The following TMEM138 variants were observed in gnomAD, a reference collection of about 807,000 sequenced individuals.
TMEM138 encodes transmembrane protein 138.
In TMEM138, 9 loss-of-function variants were observed where a neutral mutation model predicts 18.1. The observed-to-expected ratio is 0.50, with a 90% CI of 0.30 to 0.87. The LOEUF is 0.87. Among genes scored for constraint, TMEM138 ranks in the 40% least tolerant of loss-of-function variants. The pLI, the probability that TMEM138 is intolerant of heterozygous loss-of-function variation, is 0.06. For synonymous variants in TMEM138, 79 were observed against 74.8 expected (o/e 1.06, Z -0.29); for missense variants, 189 against 190.6 (o/e 0.99, Z 0.05).
chr11:61,372,392 C>G (rs1451074793), downstream of TMEM138, among the ~76,000 whole-genome samples: 1 of 149,244 alleles, frequency 6.7e-6, no homozygotes, highest in Non-Finnish European at 1.5e-5. Context: ...ACCTCTGCCT[C>G]TTGGGTTTAA....
At chr11:61,369,664 T>G (rs1421455975), downstream of TMEM138, among the ~76,000 whole-genome samples, 2 of 151,588 alleles carry the variant, frequency 1.3e-5, no homozygotes, top group Non-Finnish European at 2.9e-5. Flanking sequence ...TGGTTTCATC[T>G]GGGCTCACTC....
downstream of TMEM138, among the ~76,000 whole-genome samples, chr11:61,370,693 G>T (rs1858318429): frequency 6.6e-6 from 1 of 152,186 alleles, no homozygotes; most frequent in African/African-American, 2.4e-5. Flanking sequence ...GCTTTGGCAG[G>T]GTCGCCAAGC....
At chr11:61,368,573 T>G (rs376413814) in intron 4 of TMEM138, 24 bp from the exon 5 acceptor site, 1 of 1,561,296 alleles carries the variant, frequency 6.4e-7, no homozygotes, top group Non-Finnish European at 8.8e-7. Context: ...CCCCTGAGGC[T>G]TCTCTTCTGC....
chr11:61,365,873 T>C, intron 2 of TMEM138, 172 bp from the exon 3 acceptor site: 1 of 742,806 alleles, frequency 1.3e-6, no homozygotes, highest in Non-Finnish European at 2.0e-6. Context: ...TAGGTAATTT[T>C]AGCTTCATGT....
chr11:61,372,563 G>A (rs1402837461), downstream of TMEM138, among the ~76,000 whole-genome samples: 12 of 151,762 alleles, frequency 7.9e-5, no homozygotes, highest in Admixed American at 2.6e-4. Context: ...CGGGGGGATC[G>A]TGAAGTCAGG....
At chr11:61,371,597 AAAAG>A (rs1212021734), downstream of TMEM138, among the ~76,000 whole-genome samples, 2 of 152,230 alleles carry the variant, frequency 1.3e-5, no homozygotes, top group African/African-American at 4.8e-5. Flanking sequence ...GTATTGATGA[AAAAG>A]AAAGCCGAAC....
chr11:61,370,032 G>A (rs781511025), downstream of TMEM138, among the ~76,000 whole-genome samples: 1 of 152,202 alleles, frequency 6.6e-6, no homozygotes, highest in Non-Finnish European at 1.5e-5. Flanking sequence ...TGCCGACAAG[G>A]CTTCATTGGA....
downstream of TMEM138, among the ~76,000 whole-genome samples, chr11:61,371,294 A>G (rs2135171185): frequency 1.3e-5 from 2 of 152,230 alleles, no homozygotes; most frequent in South Asian, 2.1e-4. Context: ...CGGCCTCCCA[A>G]AGTGCTGGGA....
chr11:61,369,967 C>A (rs1050446102), downstream of TMEM138, among the ~76,000 whole-genome samples: 1 of 152,200 alleles, frequency 6.6e-6, no homozygotes, highest in South Asian at 2.1e-4. Flanking sequence ...CGGTTACCAA[C>A]CACAAGTTCT....
downstream of TMEM138, among the ~76,000 whole-genome samples, chr11:61,371,153 G>C (rs1393153753): frequency 1.3e-5 from 2 of 152,196 alleles, no homozygotes; most frequent in Non-Finnish European, 2.9e-5. Context: ...TCCTGCCTCA[G>C]CCTTCCCAGT....
chr11:61,375,722 T>C (rs1479061580), downstream of TMEM138, among the ~76,000 whole-genome samples: 1 of 152,232 alleles, frequency 6.6e-6, no homozygotes, highest in African/African-American at 2.4e-5. Context: ...CTGGTTATTT[T>C]ACCAAGGCTT....
chr11:61,374,941 G>A (rs930632580), downstream of TMEM138, among the ~76,000 whole-genome samples: 4 of 152,154 alleles, frequency 2.6e-5, no homozygotes, highest in African/African-American at 9.7e-5. Context: ...TGGTGTCAGA[G>A]CTAGACTCCA....
chr11:61,367,654 T>C, intron 3 of TMEM138: 1 of 377,278 alleles, frequency 2.7e-6, no homozygotes. Flanking sequence ...CCTGAGATAA[T>C]GAATATATCA....
At chr11:61,365,606 C>A in intron 2 of TMEM138, 1 of 153,042 alleles carries the variant, frequency 6.5e-6, no homozygotes, top group Non-Finnish European at 1.5e-5. Flanking sequence ...GTGGCACACA[C>A]CTGTGGTCAC....
At chr11:61,367,789 G>A (rs775593743) in intron 3 of TMEM138, 134 bp from the exon 4 acceptor site, 8 of 668,316 alleles carry the variant, frequency 1.2e-5, no homozygotes, top group South Asian at 9.2e-5. Context: ...TTCGAGAAAC[G>A]CTCCTTGGGG....
chr11:61,366,166 C>T lies in TMEM138; in HGVS notation c.250C>T (p.Leu84=). ...LFHKFKGTII[L]TAVYFALSIS... ...CCATAAGTTCAAAGGGACCATCATC[C>T]TGACAGCTGTGTACTTTGCCCTCAG... is the stretch of plus-strand genomic sequence containing the variant. The change falls in exon 3 of 5, where the codon CTG becomes TTG. Residue 84 remains leucine (L), a synonymous_variant. Coordinates refer to ENST00000278826, the MANE Select transcript of TMEM138 (RefSeq NM_016464.5). The T allele has an allele frequency of 6.2e-7, 1 of 1,614,228 alleles. No individual in the cohort carries two copies. Among genetic ancestry groups the T allele is most frequent in the Admixed American group, 1.7e-5 (1 of 60,024 alleles).
rs986971710 is a variant in TMEM138 at position 61,362,421 on chromosome 11, G to T, written c.-140+1G>T. ...TGACAACCGACGTTGGAGTTTGGAG[G>T]TGAGAGTGATTGACGAGGAGTGGGT... is the stretch of plus-strand genomic sequence containing the variant. On this transcript the variant is annotated splice_donor_variant, in intron 1 of 4. Transcript: ENST00000278826. LOFTEE classifies it low-confidence loss of function (5UTR_SPLICE). The T allele has an allele frequency of 1.3e-5, 2 of 152,290 alleles. No individual in the cohort carries two copies. The highest frequency in any genetic ancestry group is 2.9e-5 in the Non-Finnish European group (2 of 68,062). The allele number at this position is 152,290 out of a possible 1,614,324, so 9.4% of individuals were successfully genotyped here.
chr11:61,367,732 G>A, intron 3 of TMEM138, 191 bp from the exon 4 acceptor site: 1 of 605,200 alleles, frequency 1.7e-6, no homozygotes, highest in Non-Finnish European at 3.0e-6. Flanking sequence ...CTCCCTCAAA[G>A]TTAAAAGATA....
At chr11:61,374,860 G>A (rs1180726746), downstream of TMEM138, among the ~76,000 whole-genome samples, 3 of 152,170 alleles carry the variant, frequency 2.0e-5, no homozygotes. Context: ...AGGAGGCTGA[G>A]GCAGGAGAAT....
Sources: gnomAD v4.1 joint callset for allele counts (sites outside exome capture counted in the v4.1 genomes callset) on GRCh38, gnomAD v4.1.1 for gene constraint, MANE v1.5 for transcripts, NCBI Gene and HGNC (gene_info 2026-07-23, HGNC 2026-07-21) for gene names.